ARHGAP21: variants seen among roughly 807,000 people sequenced by gnomAD.
ARHGAP21 encodes rho GTPase-activating protein 21.
Under a neutral mutation model 164.6 loss-of-function variants are expected in ARHGAP21, and 38 were observed. That is an observed-to-expected ratio of 0.23 (90% confidence interval 0.18 to 0.30). The LOEUF is 0.30. ARHGAP21 is among the 10% of genes least tolerant of loss of function. ARHGAP21 has a pLI of 1.00. For synonymous variants in ARHGAP21, 766 were observed against 857.9 expected, an observed-to-expected ratio of 0.89 and a Z score of 1.87; for missense variants, 1,822 against 2,370.7, an observed-to-expected ratio of 0.77 and a Z score of 4.81.
At position 24,584,545 on chromosome 10, in the gene ARHGAP21, G is replaced by T; in HGVS notation, c.5744C>A (p.Pro1915Gln). 6.2e-7 allele frequency: 1 copy of T among 1,613,908 alleles called. No individual in the cohort carries two copies. ...TCCGTTTATTTGGTCAGGTGACTGT[G>T]GTGGTATGGAAAGAAGGGGCCTGTT... ...STNRPLLSIP[P>Q]QSPDQINGES... Residue 1915 changes from proline to glutamine, a missense_variant, in exon 26 of 26, where the codon CCA (proline) becomes CAA (glutamine). Around this residue, in one of 5 missense-constraint regions of ARHGAP21, gnomAD observed 165 missense variants for 176.6 expected, o/e 0.93. Coordinates refer to ENST00000396432, the MANE Select transcript of ARHGAP21 (RefSeq NM_020824.4).
At chr10:24,635,197 T>C (rs1593112077) in intron 4 of ARHGAP21, 94 bp from the exon 5 acceptor site, 1 of 745,030 alleles carries the variant, frequency 1.3e-6, no homozygotes, top group East Asian at 2.9e-5. Flanking sequence ...TAAGCAAAGC[T>C]TTTTAATGAA....
rs1451589880 is a variant in ARHGAP21 at position 24,650,574 on chromosome 10, T to C, written c.269-15471A>G. On this transcript the variant is annotated intron_variant, in intron 4 of 25. Transcript: ENST00000396432. ...ATAAAAGAAAAATTATTTTTTAATCTCAGAAAAGAGAAAAATATAAGAATG... is the reference window on the plus strand; with the variant it reads ...ATAAAAGAAAAATTATTTTTTAATCCCAGAAAAGAGAAAAATATAAGAATG... Among the ~76,000 whole-genome samples the C allele has an allele frequency of 5.9e-5, 9 of 151,908 alleles. No homozygotes were observed. The South Asian group carries it at 1.9e-3, about 32-fold the overall frequency.
chr10:24,653,045 A>G (rs1211908376), intron 4 of ARHGAP21, among the ~76,000 whole-genome samples: 1 of 152,238 alleles, frequency 6.6e-6, no homozygotes, highest in Non-Finnish European at 1.5e-5. Context: ...TAGGTTGTAC[A>G]TATTCTTTTT....
At chr10:24,690,223 C>T (rs1842643612) in intron 2 of ARHGAP21, among the ~76,000 whole-genome samples, 3 of 152,064 alleles carry the variant, frequency 2.0e-5, no homozygotes, top group Admixed American at 1.3e-4. Flanking sequence ...CTATGAAAAA[C>T]CATTGAGAAT....
chr10:24,711,356 C>T (rs1844799026), intron 2 of ARHGAP21, among the ~76,000 whole-genome samples: 1 of 150,914 alleles, frequency 6.6e-6, no homozygotes, highest in South Asian at 2.1e-4. Context: ...AAAGTTCATA[C>T]CAAAAAAGAA....
At chr10:24,635,161 A>AAAT in intron 4 of ARHGAP21, 58 bp from the exon 5 acceptor site, 1 of 1,061,104 alleles carries the variant, frequency 9.4e-7, no homozygotes, top group Non-Finnish European at 1.3e-6. Context: ...TAAAATACCT[A>AAAT]AATATAAAAT....
In ARHGAP21 at chr10:24,624,337, CTTTTTT is replaced by C. The variant is rs565872094; in HGVS notation, c.496-1581_496-1576del. 1.7e-4 allele frequency among the ~76,000 whole-genome samples: 18 copies of C among 102,878 alleles called. No homozygotes were observed. The East Asian group carries it at 3.4e-3, about 19-fold the overall frequency. The allele number at this position is 102,878 out of a possible 152,430, so 67.5% of individuals were successfully genotyped here. Reference sequence around the variant, plus strand: ...CTGCCTGGGAAATGCTGTTCTAGAACTTTTTTTTTTTTTTTTTTTTGAGACCGAGTC... The same window carrying C: ...CTGCCTGGGAAATGCTGTTCTAGAACTTTTTTTTTTTTTTGAGACCGAGTC... On this transcript the variant is annotated intron_variant, in intron 7 of 25. Transcript: ENST00000396432.
In ARHGAP21 at chr10:24,619,823, T is replaced by A; in HGVS notation, c.2072A>T (p.Lys691Met). Residue 691 changes from lysine (K) to methionine (M), a missense_variant, in exon 9 of 26, where the codon AAG becomes ATG. By Grantham distance (95) the Lys-to-Met change is moderately conservative. Coordinates refer to ENST00000396432, the MANE Select transcript of ARHGAP21 (RefSeq NM_020824.4). Reference sequence around the variant, plus strand: ...GTTTTCACTCGACTGAGGGGCAGGCTTGGCAGAGGCTCCAGATAAAGAGGG... The same window carrying A: ...GTTTTCACTCGACTGAGGGGCAGGCATGGCAGAGGCTCCAGATAAAGAGGG... Reference protein sequence around the residue: ...KSPSLSGASAKPAPQSSENAG... With the variant: ...KSPSLSGASAMPAPQSSENAG... 6.2e-7 allele frequency: 1 copy of A among 1,614,174 alleles called. No individual in the cohort carries two copies. Among genetic ancestry groups the A allele is most frequent in the Non-Finnish European group, 8.5e-7 (1 of 1,180,036 alleles).
At chr10:24,642,558 A>C (rs184352576) in intron 4 of ARHGAP21, among the ~76,000 whole-genome samples, 53 of 151,914 alleles carry the variant, frequency 3.5e-4, no homozygotes, top group African/African-American at 1.2e-3. Context: ...ATCCTTCAAC[A>C]GTTCTTCACA....
chr10:24,662,011 G>A (rs954969823), intron 4 of ARHGAP21, among the ~76,000 whole-genome samples: 6 of 152,144 alleles, frequency 3.9e-5, no homozygotes, highest in East Asian at 1.9e-4. Flanking sequence ...GCAAAGGTGC[G>A]ATCAAGGTAG....
intron 21 of ARHGAP21, among the ~76,000 whole-genome samples, chr10:24,592,433 G>T (rs1357244079): frequency 6.6e-6 from 1 of 151,872 alleles, no homozygotes; most frequent in Non-Finnish European, 1.5e-5. Context: ...TTTCCAAGAA[G>T]ACTTTGATTG....
At chr10:24,627,058 A>G (rs778475967) in intron 7 of ARHGAP21, among the ~76,000 whole-genome samples, 5 of 152,220 alleles carry the variant, frequency 3.3e-5, no homozygotes, top group Non-Finnish European at 5.9e-5. Flanking sequence ...TCAAATTTTA[A>G]GCCAAATTAA....
At chr10:24,604,261 C>A (rs770689031) in intron 12 of ARHGAP21, 51 bp downstream of exon 12, 3 of 1,278,046 alleles carry the variant, frequency 2.3e-6, no homozygotes, top group Non-Finnish European at 2.1e-6. Flanking sequence ...AAAAGAAGTA[C>A]TTCTCTATGA....
chr10:24,697,847 C>T (rs759841483), intron 2 of ARHGAP21, among the ~76,000 whole-genome samples: 15 of 151,024 alleles, frequency 9.9e-5, no homozygotes, highest in Non-Finnish European at 1.9e-4. Context: ...GCGACAAGAG[C>T]GAAACTCCAT....
In ARHGAP21 at chr10:24,584,384, T is replaced by A. The variant is rs747383206; in HGVS notation, c.*28A>T. The A allele has an allele frequency of 6.5e-7, 1 of 1,537,384 alleles. No homozygotes were observed. The highest frequency in any genetic ancestry group is 2.3e-5 in the East Asian group (1 of 44,378). ...CTGGAACGTGTAACAGTAGTTTTTTTACTTGCTAGAGTGGACATACCCCCA... is the reference window on the plus strand; with the variant it reads ...CTGGAACGTGTAACAGTAGTTTTTTAACTTGCTAGAGTGGACATACCCCCA... On this transcript the variant is annotated 3_prime_UTR_variant, in exon 26 of 26. Coordinates refer to ENST00000396432, the MANE Select transcript of ARHGAP21 (RefSeq NM_020824.4).
intron 9 of ARHGAP21, among the ~76,000 whole-genome samples, chr10:24,617,220 AATAAC>A (rs1351311723): frequency 6.6e-6 from 1 of 152,204 alleles, no homozygotes; most frequent in Non-Finnish European, 1.5e-5. Context: ...TCTTCTCTTT[AATAAC>A]ATAATTGTTT....
chr10:24,689,397 AT>A (rs1235265984), intron 2 of ARHGAP21, among the ~76,000 whole-genome samples: 1 of 152,196 alleles, frequency 6.6e-6, no homozygotes, highest in Non-Finnish European at 1.5e-5. Flanking sequence ...AGAGAAAATT[AT>A]GTCAATACTT....
chr10:24,639,858 G>A (rs900979190), intron 4 of ARHGAP21, among the ~76,000 whole-genome samples: 2 of 151,548 alleles, frequency 1.3e-5, no homozygotes, highest in African/African-American at 2.4e-5. Context: ...AAAATCATTT[G>A]CAACATCTAA....
At chr10:24,698,910 TCAC>T (rs775675451) in intron 2 of ARHGAP21, among the ~76,000 whole-genome samples, 45 of 152,190 alleles carry the variant, frequency 3.0e-4, no homozygotes, top group Non-Finnish European at 1.0e-4. Context: ...TATGACATGT[TCAC>T]CAACTCACAA....
Sources: gnomAD v4.1 joint callset for allele counts (sites outside exome capture counted in the v4.1 genomes callset) on GRCh38, gnomAD v4.1.1 for gene constraint, gnomAD v4.1.1 regional missense constraint, MANE v1.5 for transcripts, NCBI Gene and HGNC (gene_info 2026-07-23, HGNC 2026-07-21) for gene names.